ARID1B: variants seen among roughly 807,000 people sequenced by gnomAD.
ARID1B encodes AT-rich interaction domain 1B.
A neutral mutation model predicts 212.3 loss-of-function variants in ARID1B; 30 were observed. That is an observed-to-expected ratio of 0.14 (90% CI 0.11 to 0.19). The LOEUF is 0.19. Among genes scored for constraint, ARID1B ranks in the 10% least tolerant of loss-of-function variants. ARID1B has a pLI of 1.00. For synonymous variants in ARID1B, 1,402 were observed against 1,301.7 expected (o/e 1.08, Z -1.66); for missense variants, 2,891 against 3,204.0 (o/e 0.90, Z 2.36).
At chr6:157,125,015 A>G (rs1788041477) in intron 6 of ARID1B, among the ~76,000 whole-genome samples, 1 of 152,198 alleles carries the variant, frequency 6.6e-6, no homozygotes, top group Non-Finnish European at 1.5e-5. Context: ...GAAGCAACCC[A>G]GGGGCTACAG....
chr6:157,080,682 T>C (rs1317047099), intron 4 of ARID1B, among the ~76,000 whole-genome samples: 1 of 152,220 alleles, frequency 6.6e-6, no homozygotes, highest in Non-Finnish European at 1.5e-5. Flanking sequence ...AAGATTGTTA[T>C]TGCTTTGGGT....
chr6:157,123,893 C>T (rs1218183361), intron 6 of ARID1B, among the ~76,000 whole-genome samples: 1 of 152,226 alleles, frequency 6.6e-6, no homozygotes, highest in African/African-American at 2.4e-5. Context: ...CTAACGTGCC[C>T]ACAGCTGCTG....
chr6:157,134,637 A>G (rs1324412273), intron 7 of ARID1B, among the ~76,000 whole-genome samples: 1 of 152,206 alleles, frequency 6.6e-6, no homozygotes, highest in Non-Finnish European at 1.5e-5. Flanking sequence ...CCCGGTAACT[A>G]TGACATGTAG....
chr6:156,905,132 A>C (rs1323764524), intron 3 of ARID1B, among the ~76,000 whole-genome samples: 1 of 152,024 alleles, frequency 6.6e-6, no homozygotes, highest in Non-Finnish European at 1.5e-5. Context: ...TTATTTTTAA[A>C]ATCCTTTGTA....
chr6:156,957,066 T>C (rs1360738853), intron 4 of ARID1B, among the ~76,000 whole-genome samples: 1 of 152,220 alleles, frequency 6.6e-6, no homozygotes, highest in East Asian at 1.9e-4. Flanking sequence ...TAAAATTACC[T>C]CATTTTTACA....
At chr6:156,905,629 G>T (rs1789313935) in intron 3 of ARID1B, among the ~76,000 whole-genome samples, 1 of 152,128 alleles carries the variant, frequency 6.6e-6, no homozygotes, top group Non-Finnish European at 1.5e-5. Flanking sequence ...TAGGTATATG[G>T]TGTTTGGGGT....
At chr6:156,998,869 C>T (rs1264653719) in intron 4 of ARID1B, among the ~76,000 whole-genome samples, 2 of 152,210 alleles carry the variant, frequency 1.3e-5, no homozygotes, top group Admixed American at 1.3e-4. Flanking sequence ...AGAAAGCGTT[C>T]TTTTCCTCCA....
At chr6:157,123,615 T>C (rs1787930904) in intron 6 of ARID1B, among the ~76,000 whole-genome samples, 1 of 152,186 alleles carries the variant, frequency 6.6e-6, no homozygotes, top group Non-Finnish European at 1.5e-5. Flanking sequence ...TTAACCACCA[T>C]CCAAGGACTT....
At position 156,960,544 on chromosome 6, in the gene ARID1B, T is replaced by G. The variant is rs141611157; in HGVS notation, c.2247+24968T>G. ...TTTTTCTTTATGTATTTATTTTGTT[T>G]ATGTGTTTAGTTTGAATGGGTTTGG... On this transcript the variant is annotated intron_variant, in intron 4 of 19. Coordinates refer to ENST00000636930, the MANE Select transcript of ARID1B (RefSeq NM_001374828.1). Among the ~76,000 whole-genome samples the G allele has an allele frequency of 4.5e-3, 693 of 152,374 alleles. 8 individuals carry two copies. Among genetic ancestry groups the G allele is most frequent in the African/African-American group, 0.016 (656 of 41,596 alleles).
chr6:156,803,828 T>C (rs1780961132), intron 1 of ARID1B, among the ~76,000 whole-genome samples: 2 of 152,174 alleles, frequency 1.3e-5, no homozygotes, highest in South Asian at 2.1e-4. Context: ...TTTTTCATCA[T>C]GTTTAGGAAA....
chr6:156,776,826 G>A (rs940287067), upstream of ARID1B: 1 of 152,206 alleles, frequency 6.6e-6, no homozygotes, highest in Non-Finnish European at 1.5e-5. Flanking sequence ...TCTGACCGGG[G>A]CTAACCTTCA....
At chr6:156,911,451 T>A (rs558073014) in intron 3 of ARID1B, among the ~76,000 whole-genome samples, 5 of 148,810 alleles carry the variant, frequency 3.4e-5, no homozygotes, top group African/African-American at 1.2e-4. Context: ...CTCTTACACA[T>A]TGCAGGATAA....
In ARID1B at chr6:157,062,243, A is replaced by G. The variant is rs1033352866; in HGVS notation, c.2248-22419A>G. Among the ~76,000 whole-genome samples, 26 of 151,484 alleles carry G rather than the reference A, an allele frequency of 1.7e-4. 2 individuals carry two copies. Among genetic ancestry groups the G allele is most frequent in the African/African-American group, 6.3e-4 (26 of 41,206 alleles). ...GAGACAGAGCCTCCCTCTGTCACCC[A>G]GGCTGGAGTACAGTGGCGCCATAGC... On this transcript the variant is annotated intron_variant, in intron 4 of 19. Coordinates refer to ENST00000636930, the MANE Select transcript of ARID1B (RefSeq NM_001374828.1).
intron 5 of ARID1B, among the ~76,000 whole-genome samples, chr6:157,099,488 TATG>T (rs146157307): frequency 0.055 from 8,326 of 152,276 alleles, 343 homozygotes; most frequent in Non-Finnish European, 0.086. Flanking sequence ...GTCACAGAGT[TATG>T]AGGAGGACCC....
chr6:157,020,944 T>G (rs935975143), intron 4 of ARID1B, among the ~76,000 whole-genome samples: 2 of 152,238 alleles, frequency 1.3e-5, no homozygotes, highest in African/African-American at 4.8e-5. Context: ...ACGTTACTTC[T>G]TTGCAGAATT....
In ARID1B at chr6:156,893,051, T is replaced by TGTTTTTTTTG. The variant is rs201418007; in HGVS notation, c.1987-8325_1987-8324insGTTTTTTTTG. 2.9e-5 allele frequency among the ~76,000 whole-genome samples: 4 copies of TGTTTTTTTTG among 138,396 alleles called. 1 individual carries two copies. Among genetic ancestry groups the TGTTTTTTTTG allele is most frequent in the Admixed American group, 1.4e-4 (2 of 14,108 alleles). 90.8% of individuals were successfully genotyped at this position (138,396 alleles called of 152,430 possible). A position where few individuals can be genotyped will look rare whatever the true frequency, so the allele number is the denominator to read the frequency against. ...TTTTTTTTCTTTTTTCTTCCTTTTT[T>TGTTTTTTTTG]TTTTTTTTTGAGATGGAGTCTTGCC... On this transcript the variant is annotated intron_variant, in intron 2 of 19. Transcript: ENST00000636930.
chr6:156,854,795 G>A (rs1374180365), intron 2 of ARID1B, among the ~76,000 whole-genome samples: 1 of 152,234 alleles, frequency 6.6e-6, no homozygotes, highest in Non-Finnish European at 1.5e-5. Flanking sequence ...GTTTTATTGA[G>A]AGTTCATTTC....
rs577211667 is a variant in ARID1B, at chr6:157,198,864, C to A, written c.4436C>A (p.Pro1479Gln). ...GGCCAAGGCCCTCCCTCGGGACAGC[C>A]GCCGTATGGAGGGCACCAGCCCGGC... is the stretch of plus-strand genomic sequence containing the variant. ...YPGQGPPSGQ[P>Q]PYGGHQPGLY... Residue 1479 changes from proline (P) to glutamine (Q), a missense_variant, in exon 17 of 20, where the codon CCG (proline) becomes CAG (glutamine). By Grantham distance (76) the Pro-to-Gln change is moderately conservative. Coordinates refer to ENST00000636930, the MANE Select transcript of ARID1B (RefSeq NM_001374828.1). 6.2e-7 allele frequency: 1 copy of A among 1,611,296 alleles called. No homozygotes were observed. Among genetic ancestry groups the A allele is most frequent in the Non-Finnish European group, 8.5e-7 (1 of 1,178,964 alleles).
intron 1 of ARID1B, among the ~76,000 whole-genome samples, chr6:156,819,049 A>G (rs1782175161): frequency 6.6e-6 from 1 of 152,176 alleles, no homozygotes; most frequent in Non-Finnish European, 1.5e-5. Context: ...AGATCCATTA[A>G]CTGAGGTGCA....
Sources: gnomAD v4.1 joint callset for allele counts (sites outside exome capture counted in the v4.1 genomes callset) on GRCh38, gnomAD v4.1.1 for gene constraint, MANE v1.5 for transcripts, NCBI Gene and HGNC (gene_info 2026-07-23, HGNC 2026-07-21) for gene names.